IL10RB: variants seen among roughly 807,000 people sequenced by gnomAD.
The protein encoded by IL10RB is interleukin 10 receptor subunit beta.
A neutral mutation model predicts 38.7 loss-of-function variants in IL10RB; 30 were observed. The ratio of observed to expected loss-of-function variants is 0.78; its 90% CI spans 0.58 to 1.05. The LOEUF (loss-of-function observed/expected upper bound fraction) is 1.05, where lower values mean the gene tolerates loss of function less well. Ranked by LOEUF, IL10RB falls within the 50% of genes least tolerant of loss-of-function variation. The pLI, the probability that IL10RB is intolerant of heterozygous loss-of-function variation, is 0.00. For missense variants in IL10RB, 328 were observed against 397.1 expected, an observed-to-expected ratio of 0.83 and a Z score of 1.48; for synonymous variants, 142 against 145.9, an observed-to-expected ratio of 0.97 and a Z score of 0.19.
chr21:33,289,982 C>T (rs1306995840), intron 6 of IL10RB, among the ~76,000 whole-genome samples: 3 of 152,038 alleles, frequency 2.0e-5, no homozygotes, highest in Non-Finnish European at 2.9e-5. Context: ...GGCGTGGTGG[C>T]GGGCGCCTGT....
chr21:33,297,782 C>T (rs533382035), downstream of IL10RB, among the ~76,000 whole-genome samples: 1 of 151,560 alleles, frequency 6.6e-6, no homozygotes, highest in Admixed American at 6.6e-5. Context: ...CATTGCCCTC[C>T]GGCCCTGCCT....
At chr21:33,297,914 A>G (rs1006476567), downstream of IL10RB, among the ~76,000 whole-genome samples, 9 of 152,264 alleles carry the variant, frequency 5.9e-5, no homozygotes, top group African/African-American at 2.2e-4. Context: ...TAGAATGAAC[A>G]TAGAGATTTA....
chr21:33,274,662 C>G (rs1989138125), intron 2 of IL10RB, among the ~76,000 whole-genome samples: 1 of 152,152 alleles, frequency 6.6e-6, no homozygotes, highest in Non-Finnish European at 1.5e-5. Context: ...AACTTTTTAT[C>G]CTGAGCAGTA....
intron 1 of IL10RB, among the ~76,000 whole-genome samples, chr21:33,306,216 G>A (rs566098193): frequency 2.3e-4 from 35 of 152,236 alleles, no homozygotes; most frequent in Non-Finnish European, 4.7e-4. Flanking sequence ...CAGATGGAAG[G>A]CCTACAGCAC....
At chr21:33,303,747 T>C (rs764801470) in intron 1 of IL10RB, among the ~76,000 whole-genome samples, 2 of 152,162 alleles carry the variant, frequency 1.3e-5, no homozygotes, top group Non-Finnish European at 2.9e-5. Flanking sequence ...CTGATGTCCC[T>C]GGAAAGGACA....
intron 6 of IL10RB, chr21:33,293,980 C>T (rs780092210): frequency 4.2e-6 from 2 of 471,076 alleles, no homozygotes; most frequent in African/African-American, 2.0e-5. Flanking sequence ...AAATTATTCA[C>T]CTGCTATTTT....
chr21:33,309,256 G>A (rs376651184), exon 2 of IL10RB: 42 of 152,240 alleles, frequency 2.8e-4, no homozygotes, highest in African/African-American at 1.0e-3. Context: ...GACCAGAGGA[G>A]AGTGTGTGAT....
intron 1 of IL10RB, among the ~76,000 whole-genome samples, chr21:33,267,128 G>A (rs140963595): frequency 6.6e-6 from 1 of 152,238 alleles, no homozygotes; most frequent in African/African-American, 2.4e-5. Context: ...TGACTGCCTA[G>A]GTTCCAATAA....
At chr21:33,282,853 G>A (rs962494674) in intron 4 of IL10RB, among the ~76,000 whole-genome samples, 3 of 152,100 alleles carry the variant, frequency 2.0e-5, no homozygotes, top group African/African-American at 7.2e-5. Flanking sequence ...AAAAAGAAGT[G>A]ATGGCTTGTG....
At chr21:33,266,702 G>C (rs1446477247) in intron 1 of IL10RB, among the ~76,000 whole-genome samples, 188 bp downstream of exon 1, 3 of 152,220 alleles carry the variant, frequency 2.0e-5, no homozygotes, top group Non-Finnish European at 4.4e-5. Context: ...TTCTGTAACA[G>C]GAGAAAGCCC....
exon 2 of IL10RB, chr21:33,309,314 G>A (rs1047906939): frequency 6.6e-6 from 1 of 152,210 alleles, no homozygotes; most frequent in African/African-American, 2.4e-5. Context: ...ACTTGGGTTG[G>A]TGTTTTATTT....
intron 1 of IL10RB, among the ~76,000 whole-genome samples, chr21:33,302,556 C>T (rs1465633590): frequency 6.6e-6 from 1 of 152,220 alleles, no homozygotes; most frequent in Non-Finnish European, 1.5e-5. Context: ...TTCCAGGGAA[C>T]CCAGCCTAAT....
chr21:33,279,012 A>G (rs1245770544), intron 3 of IL10RB, among the ~76,000 whole-genome samples: 1 of 152,260 alleles, frequency 6.6e-6, no homozygotes, highest in African/African-American at 2.4e-5. Context: ...AATGAACGAG[A>G]CAAAATACCT....
At chr21:33,298,875 T>G (rs956945344), downstream of IL10RB, among the ~76,000 whole-genome samples, 7 of 152,168 alleles carry the variant, frequency 4.6e-5, no homozygotes, top group Non-Finnish European at 1.0e-4. Flanking sequence ...ACATCCAATA[T>G]GGAGGTTCCT....
chr21:33,269,035 C>T (rs45560243), intron 2 of IL10RB, among the ~76,000 whole-genome samples: 3 of 152,226 alleles, frequency 2.0e-5, no homozygotes, highest in Middle Eastern at 3.4e-3. Flanking sequence ...GTGCCATGCG[C>T]GATGCACATA....
At chr21:33,292,704 T>C (rs1293092606) in intron 6 of IL10RB, among the ~76,000 whole-genome samples, 3 of 152,134 alleles carry the variant, frequency 2.0e-5, no homozygotes, top group Non-Finnish European at 4.4e-5. Context: ...CCCAGAACTC[T>C]CGTATCTATG....
chr21:33,267,490 T>TTTTGTTTG (rs1555864794), intron 1 of IL10RB, among the ~76,000 whole-genome samples: 4 of 147,916 alleles, frequency 2.7e-5, no homozygotes, highest in Admixed American at 1.4e-4. Flanking sequence ...CCGTTTTTTT[T>TTTTGTTTG]TTTGTTTGTT....
intron 4 of IL10RB, among the ~76,000 whole-genome samples, chr21:33,282,059 C>T (rs955387596): frequency 2.0e-5 from 3 of 152,076 alleles, no homozygotes; most frequent in African/African-American, 7.2e-5. Context: ...TGCAAGCCCG[C>T]CATTTTTTTC....
At chr21:33,306,727 G>A (rs984265242) in intron 1 of IL10RB, among the ~76,000 whole-genome samples, 1 of 151,990 alleles carries the variant, frequency 6.6e-6, no homozygotes, top group African/African-American at 2.4e-5. Context: ...TGTAGAGATG[G>A]GGTCTCACTT....
Sources: gnomAD v4.1 joint callset for allele counts (sites outside exome capture counted in the v4.1 genomes callset) on GRCh38, gnomAD v4.1.1 for gene constraint, MANE v1.5 for transcripts, NCBI Gene and HGNC (gene_info 2026-07-23, HGNC 2026-07-21) for gene names.